Variants in RANBP2 observed in about 807,000 individuals in gnomAD.
The protein encoded by RANBP2 is E3 SUMO-protein ligase RanBP2.
Under a neutral mutation model 303.6 loss-of-function variants are expected in RANBP2, and 57 were observed. That is an observed-to-expected ratio of 0.19 (90% CI 0.15 to 0.23). RANBP2 has a LOEUF of 0.23. RANBP2 is among the 10% of genes least tolerant of loss of function. The pLI is 1.00. For synonymous variants in RANBP2, 1,167 were observed against 1,301.5 expected (o/e 0.90, Z 2.23); for missense variants, 3,138 against 3,780.8 (o/e 0.83, Z 4.46).
At chr2:108,869,042 T>G in the RANBP2 span, among the ~76,000 whole-genome samples, 10 of 152,182 alleles carry the variant, frequency 6.6e-5, no homozygotes, top group Admixed American at 1.3e-4. Flanking sequence ...TTTTGTTTCC[T>G]TGAAGAAAAT....
the RANBP2 span, among the ~76,000 whole-genome samples, chr2:109,240,273 G>GC: frequency 6.6e-6 from 1 of 152,304 alleles, no homozygotes; most frequent in Admixed American, 6.5e-5. Context: ...GCCCAGGAGG[G>GC]CAGATCACTT....
chr2:108,998,661 T>G, the RANBP2 span, among the ~76,000 whole-genome samples: 190 of 152,252 alleles, frequency 1.2e-3, 2 homozygotes, highest in African/African-American at 4.4e-3. Flanking sequence ...CCACTGACCT[T>G]AATAATGAAG....
the RANBP2 span, among the ~76,000 whole-genome samples, chr2:109,568,831 T>C: frequency 6.6e-6 from 1 of 152,122 alleles, no homozygotes; most frequent in South Asian, 2.1e-4. Context: ...CAGACTTACT[T>C]AGACAGCAGA....
At chr2:109,339,304 A>G in the RANBP2 span, among the ~76,000 whole-genome samples, 5 of 152,174 alleles carry the variant, frequency 3.3e-5, no homozygotes, top group Non-Finnish European at 7.3e-5. Flanking sequence ...GTAACATGAA[A>G]GTAATGACAT....
chr2:109,163,193 G>A, the RANBP2 span, among the ~76,000 whole-genome samples: 1 of 152,142 alleles, frequency 6.6e-6, no homozygotes, highest in Non-Finnish European at 1.5e-5. Flanking sequence ...GCGGGAATAG[G>A]AACTCGCGGG....
chr2:109,541,897 T>C, the RANBP2 span, among the ~76,000 whole-genome samples: 1 of 152,186 alleles, frequency 6.6e-6, no homozygotes, highest in Non-Finnish European at 1.5e-5. Flanking sequence ...TGTGTCCCCA[T>C]TTCCTGGCCC....
chr2:109,084,651 T>C, the RANBP2 span, among the ~76,000 whole-genome samples: 1 of 152,160 alleles, frequency 6.6e-6, no homozygotes. Context: ...TTGTGCCAGC[T>C]GGGGTCCAGG....
At chr2:109,701,405 A>T in the RANBP2 span, among the ~76,000 whole-genome samples, 3 of 152,184 alleles carry the variant, frequency 2.0e-5, no homozygotes, top group Admixed American at 2.0e-4. Context: ...TACGTTTTAG[A>T]GATACATGAG....
At chr2:109,389,403 C>T in the RANBP2 span, among the ~76,000 whole-genome samples, 1 of 152,246 alleles carries the variant, frequency 6.6e-6, no homozygotes, top group Non-Finnish European at 1.5e-5. Context: ...AGTGACACTG[C>T]ATTTGACATC....
the RANBP2 span, among the ~76,000 whole-genome samples, chr2:109,231,041 C>T: frequency 5.9e-5 from 9 of 152,338 alleles, no homozygotes; most frequent in South Asian, 2.1e-4. Context: ...AATGTCAGCA[C>T]GGACAGAGCA....
the RANBP2 span, among the ~76,000 whole-genome samples, chr2:108,838,745 A>C: frequency 4.1e-4 from 63 of 152,184 alleles, no homozygotes; most frequent in Middle Eastern, 3.2e-3. Flanking sequence ...AAATCCTTTC[A>C]TATATCTTTT....
At chr2:108,987,234 A>G in the RANBP2 span, among the ~76,000 whole-genome samples, 1 of 152,208 alleles carries the variant, frequency 6.6e-6, no homozygotes, top group Non-Finnish European at 1.5e-5. Flanking sequence ...CACAAAACGC[A>G]CTCACTTGGA....
the RANBP2 span, among the ~76,000 whole-genome samples, chr2:108,797,929 A>C: frequency 6.6e-6 from 1 of 150,646 alleles, no homozygotes; most frequent in Non-Finnish European, 1.5e-5. Context: ...TGAGACCATG[A>C]ATTCGCAATG....
the RANBP2 span, among the ~76,000 whole-genome samples, chr2:108,964,744 C>T: frequency 1.3e-5 from 2 of 152,206 alleles, no homozygotes; most frequent in East Asian, 3.8e-4. Flanking sequence ...ACTCAGTGCT[C>T]ACTAAGTGAC....
chr2:109,459,633 C>T, the RANBP2 span, among the ~76,000 whole-genome samples: 9 of 152,046 alleles, frequency 5.9e-5, no homozygotes, highest in Admixed American at 1.3e-4. Context: ...ATCAGTCACC[C>T]GAGCCAGCAC....
the RANBP2 span, among the ~76,000 whole-genome samples, chr2:108,806,168 T>A: frequency 6.6e-6 from 1 of 152,224 alleles, no homozygotes; most frequent in Non-Finnish European, 1.5e-5. Context: ...TGGCTGTTAC[T>A]ATTAGACTTA....
the RANBP2 span, among the ~76,000 whole-genome samples, chr2:108,864,736 G>A: frequency 1.3e-5 from 2 of 150,926 alleles, no homozygotes; most frequent in Admixed American, 6.6e-5. Flanking sequence ...GGAGGTTGCA[G>A]TGAGTTGAGA....
chr2:108,737,928 A>G (rs1198399341), intron 6 of RANBP2, among the ~76,000 whole-genome samples: 1 of 151,340 alleles, frequency 6.6e-6, no homozygotes, highest in African/African-American at 2.4e-5. Flanking sequence ...GTTAGCCAGG[A>G]TGGTCTCGAT....
chr2:109,452,915 GCCAGGAGGCTGGTC>G, the RANBP2 span, among the ~76,000 whole-genome samples: 1 of 146,596 alleles, frequency 6.8e-6, no homozygotes, highest in Non-Finnish European at 1.5e-5. Context: ...GGAGGCTGGT[GCCAGGAGGCTGGTC>G]CCGGGAGGCT....
Sources: gnomAD v4.1 joint callset for allele counts (sites outside exome capture counted in the v4.1 genomes callset) on GRCh38, gnomAD v4.1.1 for gene constraint, MANE v1.5 for transcripts, NCBI Gene and HGNC (gene_info 2026-07-23, HGNC 2026-07-21) for gene names.